The following URI1 variants were observed in gnomAD, a reference collection of about 807,000 sequenced individuals.
The protein encoded by URI1 is URI1 prefoldin like chaperone.
A neutral mutation model predicts 60.2 loss-of-function variants in URI1; 39 were observed. That is an observed-to-expected ratio of 0.65 (90% CI 0.50 to 0.85). URI1 has a LOEUF of 0.85. Ranked by LOEUF, URI1 falls within the 40% of genes least tolerant of loss-of-function variation. The probability of loss-of-function intolerance (pLI) is 0.00; values close to 1 mark genes in which losing one functional copy is unlikely to be tolerated. For synonymous variants in URI1, 251 were observed against 236.8 expected, an observed-to-expected ratio of 1.06 and a Z score of -0.55; for missense variants, 691 against 665.9, an observed-to-expected ratio of 1.04 and a Z score of -0.42.
Position 30,012,267 on chromosome 19 carries a change from G to T in URI1, c.1179-18G>T. ...TGAGTTACGTATAGTGAATGCATAT[G>T]TGTTTTGAATATCACAGAGCCTTTG... On this transcript the variant is annotated intron_variant, in intron 9 of 10. Transcript: ENST00000392271. 6.2e-7 allele frequency: 1 copy of T among 1,601,040 alleles called. No individual in the cohort carries two copies. The highest frequency in any genetic ancestry group is 8.5e-7 in the Non-Finnish European group (1 of 1,170,590).
At chr19:29,984,247 G>A (rs1009646513) in intron 2 of URI1, among the ~76,000 whole-genome samples, 9 of 152,062 alleles carry the variant, frequency 5.9e-5, no homozygotes, top group Non-Finnish European at 1.3e-4. Context: ...CCAACGTGGC[G>A]AAGAAACCTA....
At position 30,015,127 on chromosome 19, in the gene URI1, G is replaced by A. The variant is rs2056070139; in HGVS notation, c.*58G>A. The A allele has an allele frequency of 6.4e-7, 1 of 1,569,874 alleles. No individual in the cohort carries two copies. The highest frequency in any genetic ancestry group is 8.6e-7 in the Non-Finnish European group (1 of 1,161,426). ...AAACCTAGTTGTTCATTTGTTTAGA[G>A]TATCTATAGCAAAATAGGTTACATG... On this transcript the variant is annotated 3_prime_UTR_variant, in exon 11 of 11. Coordinates refer to ENST00000392271, the MANE Select transcript of URI1 (RefSeq NM_003796.3).
intron 4 of URI1, among the ~76,000 whole-genome samples, chr19:29,997,599 T>G (rs1416009330): frequency 6.6e-6 from 1 of 151,782 alleles, no homozygotes; most frequent in Non-Finnish European, 1.5e-5. Flanking sequence ...CAGTTTACTC[T>G]TTCTTTTTTT....
chr19:29,964,465 T>G (rs1248712944), intron 1 of URI1, among the ~76,000 whole-genome samples: 4 of 109,244 alleles, frequency 3.7e-5, no homozygotes, highest in Admixed American at 9.3e-5. Flanking sequence ...TTTTGTTTTG[T>G]TTTTTTTTTT....
chr19:30,006,214 G>C lies in URI1; in HGVS notation c.517+506G>C, dbSNP rs1050021528. 2.0e-5 allele frequency among the ~76,000 whole-genome samples: 3 copies of C among 152,068 alleles called. No individual in the cohort carries two copies. In the South Asian group the frequency reaches 6.2e-4, roughly 32 times the overall value. ...CACCCAGTAGATTTCTTTTGCCAAGGCTGGCTTATGTGTTTGGGTTTACTT... is the reference window on the plus strand; with the variant it reads ...CACCCAGTAGATTTCTTTTGCCAAGCCTGGCTTATGTGTTTGGGTTTACTT... On this transcript the variant is annotated intron_variant, in intron 6 of 10. Transcript: ENST00000392271.
chr19:29,991,337 A>T (rs1236432328), intron 4 of URI1, among the ~76,000 whole-genome samples: 1 of 152,174 alleles, frequency 6.6e-6, no homozygotes, highest in Non-Finnish European at 1.5e-5. Flanking sequence ...TGTTAGGTTT[A>T]TATCTAAGTG....
chr19:29,986,726 AT>A (rs2055675436), intron 4 of URI1, among the ~76,000 whole-genome samples: 1 of 152,166 alleles, frequency 6.6e-6, no homozygotes, highest in South Asian at 2.1e-4. Context: ...TTTATACCTT[AT>A]AATTTTTTTT....
chr19:30,015,909 C>G lies in URI1; in HGVS notation c.*840C>G, dbSNP rs2056080002. ...AAACATTTTAAATAAAAATTCCTTA[C>G]AGTTTCATCTTCCCAACATTTTCAT... is the stretch of plus-strand genomic sequence containing the variant. On this transcript the variant is annotated 3_prime_UTR_variant, in exon 11 of 11. Coordinates refer to ENST00000392271, the MANE Select transcript of URI1 (RefSeq NM_003796.3). 4.7e-6 allele frequency: 1 copy of G among 214,462 alleles called. No individual in the cohort carries two copies. The highest frequency in any genetic ancestry group is 2.3e-5 in the African/African-American group (1 of 43,042). The allele number at this position is 214,462 out of a possible 1,614,324, so 13.3% of individuals were successfully genotyped here.
intron 4 of URI1, among the ~76,000 whole-genome samples, chr19:29,998,971 G>C (rs1299887170): frequency 2.0e-5 from 3 of 151,512 alleles, no homozygotes; most frequent in African/African-American, 7.3e-5. Context: ...TAAAATATAG[G>C]TATTTTCTTT....
chr19:29,977,156 G>C (rs2055533643), intron 2 of URI1, among the ~76,000 whole-genome samples: 1 of 150,712 alleles, frequency 6.6e-6, no homozygotes, highest in Non-Finnish European at 1.5e-5. Context: ...TTTCCTGTTG[G>C]AGCTACTCTT....
At chr19:30,007,148 T>A (rs140701689) in intron 6 of URI1, among the ~76,000 whole-genome samples, 1 of 152,224 alleles carries the variant, frequency 6.6e-6, no homozygotes, top group East Asian at 1.9e-4. Context: ...TTTTTGAAGC[T>A]CTTCTCACAA....
intron 1 of URI1, 27 bp downstream of exon 1, chr19:29,942,691 G>T: frequency 7.4e-7 from 1 of 1,351,746 alleles, no homozygotes; most frequent in South Asian, 1.8e-5. Flanking sequence ...CGCCGCTTCC[G>T]CCTCCGCCCG....
intron 2 of URI1, among the ~76,000 whole-genome samples, chr19:29,977,394 T>C (rs536332060): frequency 2.0e-5 from 3 of 152,118 alleles, no homozygotes; most frequent in African/African-American, 7.2e-5. Context: ...GAAATATTGA[T>C]CTGCATACCT....
intron 4 of URI1, among the ~76,000 whole-genome samples, chr19:29,990,075 T>C (rs758261465): frequency 7.2e-5 from 11 of 152,130 alleles, no homozygotes; most frequent in Non-Finnish European, 1.3e-4. Flanking sequence ...AGGTGTGGGG[T>C]TTAGGTCACG....
At chr19:29,990,273 G>A (rs2055729747) in intron 4 of URI1, among the ~76,000 whole-genome samples, 1 of 152,162 alleles carries the variant, frequency 6.6e-6, no homozygotes, top group African/African-American at 2.4e-5. Flanking sequence ...TGAAAAAATT[G>A]GAACCCTCAT....
chr19:29,955,358 C>T (rs999581345), intron 1 of URI1, among the ~76,000 whole-genome samples: 4 of 152,064 alleles, frequency 2.6e-5, no homozygotes, highest in African/African-American at 4.8e-5. Flanking sequence ...GTTTTTTAGT[C>T]TCTTGATAGT....
chr19:29,953,088 C>T (rs979565241), intron 1 of URI1, among the ~76,000 whole-genome samples: 3 of 152,078 alleles, frequency 2.0e-5, no homozygotes, highest in African/African-American at 7.2e-5. Context: ...TGAGAAAATT[C>T]ATCTAGGATA....
At chr19:29,952,859 A>C (rs903966375) in intron 1 of URI1, among the ~76,000 whole-genome samples, 2 of 152,196 alleles carry the variant, frequency 1.3e-5, no homozygotes, top group African/African-American at 4.8e-5. Flanking sequence ...TTAAGCAATA[A>C]CGCTGTCATT....
chr19:29,991,377 A>G (rs1168454524), intron 4 of URI1, among the ~76,000 whole-genome samples: 2 of 152,170 alleles, frequency 1.3e-5, no homozygotes, highest in Non-Finnish European at 2.9e-5. Flanking sequence ...GTTGTAAATG[A>G]TGGCATTTTA....
Sources: gnomAD v4.1 joint callset for allele counts (sites outside exome capture counted in the v4.1 genomes callset) on GRCh38, gnomAD v4.1.1 for gene constraint, MANE v1.5 for transcripts, NCBI Gene and HGNC (gene_info 2026-07-23, HGNC 2026-07-21) for gene names.